Variants in TPD52 observed in about 807,000 individuals in gnomAD.
TPD52 encodes prostate and colon associated protein.
A neutral mutation model predicts 31.3 loss-of-function variants in TPD52; 17 were observed. The observed-to-expected ratio is 0.54, with a 90% CI of 0.37 to 0.82. The LOEUF (loss-of-function observed/expected upper bound fraction) is 0.82, where lower values mean the gene tolerates loss of function less well. TPD52 is among the 40% of genes least tolerant of loss of function. The pLI, the probability that TPD52 is intolerant of heterozygous loss-of-function variation, is 0.00. For synonymous variants in TPD52, 83 were observed against 89.6 expected (o/e 0.93, Z 0.42); for missense variants, 212 against 240.1 (o/e 0.88, Z 0.77).
At chr8:80,050,518 A>G in intron 4 of TPD52, 47 bp from the exon 5 acceptor site, 1 of 1,550,706 alleles carries the variant, frequency 6.4e-7, no homozygotes, top group Non-Finnish European at 8.7e-7. Context: ...AGTTCTGATA[A>G]ATCTAAAACA....
chr8:80,069,743 T>TA (rs1813562092), intron 1 of TPD52, among the ~76,000 whole-genome samples: 2 of 152,230 alleles, frequency 1.3e-5, no homozygotes, highest in Non-Finnish European at 2.9e-5. Flanking sequence ...AGTAACATCT[T>TA]ACAATCTGTG....
chr8:80,085,330 T>C (rs140679947), intron 1 of TPD52, among the ~76,000 whole-genome samples: 1 of 152,316 alleles, frequency 6.6e-6, no homozygotes, highest in Non-Finnish European at 1.5e-5. Context: ...TAGGTACAAA[T>C]GACTATAAAG....
At chr8:80,050,056 C>G (rs998190927) in intron 5 of TPD52, among the ~76,000 whole-genome samples, 1 of 151,904 alleles carries the variant, frequency 6.6e-6, no homozygotes, top group African/African-American at 2.4e-5. Context: ...GTAATGAAAC[C>G]CAGGTGAAGA....
In TPD52 at chr8:80,042,607, T is replaced by C. The variant is rs1246234490; in HGVS notation, c.504+13A>G. On this transcript the variant is annotated intron_variant, in intron 7 of 7. Transcript: ENST00000518937. Reference sequence around the variant, plus strand: ...CAATGTATCAAAAAGACCCTGTTCATCTCTCTACTTGCCTTTAAGTTTTCG... The same window carrying C: ...CAATGTATCAAAAAGACCCTGTTCACCTCTCTACTTGCCTTTAAGTTTTCG... The C allele has an allele frequency of 6.2e-7, 1 of 1,607,220 alleles. No homozygotes were observed. Among genetic ancestry groups the C allele is most frequent in the East Asian group, 2.2e-5 (1 of 44,748 alleles).
Position 80,036,723 on chromosome 8 carries a change from T to C in TPD52, c.*1393A>G, listed in dbSNP as rs1809936807. 1 of 152,632 alleles carries C rather than the reference T, an allele frequency of 6.6e-6. No homozygotes were observed. Among genetic ancestry groups the C allele is most frequent in the Admixed American group, 6.5e-5 (1 of 15,286 alleles). The allele number at this position is 152,632 out of a possible 1,614,324, so 9.5% of individuals were successfully genotyped here. A position where few individuals can be genotyped will look rare whatever the true frequency, so the allele number is the denominator to read the frequency against. ...TTTATAACAATCAACACCTGTGGCT[T>C]TTAAAATTTGGTTTTCATAAGATAA... is the stretch of plus-strand genomic sequence containing the variant. On this transcript the variant is annotated 3_prime_UTR_variant, in exon 8 of 8. Coordinates refer to ENST00000518937, the MANE Select transcript of TPD52 (RefSeq NM_001025253.3).
chr8:80,045,488 A>G (rs1810752106), intron 5 of TPD52, among the ~76,000 whole-genome samples: 1 of 152,244 alleles, frequency 6.6e-6, no homozygotes, highest in Admixed American at 6.5e-5. Context: ...TTATCCTAGC[A>G]TATTGTAATT....
At chr8:80,073,537 T>C (rs1814172786) in intron 1 of TPD52, among the ~76,000 whole-genome samples, 3 of 152,240 alleles carry the variant, frequency 2.0e-5, no homozygotes, top group Admixed American at 2.0e-4. Context: ...AGCTGGGCAA[T>C]ACTTGGCCTT....
At chr8:80,059,941 C>T (rs1376597063) in intron 2 of TPD52, among the ~76,000 whole-genome samples, 2 of 151,346 alleles carry the variant, frequency 1.3e-5, no homozygotes, top group African/African-American at 4.9e-5. Context: ...ATTAGTCAGG[C>T]GTGGTGGTGC....
intron 7 of TPD52, among the ~76,000 whole-genome samples, chr8:80,041,549 A>T (rs1377891383): frequency 6.6e-6 from 1 of 152,186 alleles, no homozygotes; most frequent in East Asian, 1.9e-4. Flanking sequence ...CGAGGAATAG[A>T]TGGGAACTAG....
intron 7 of TPD52, among the ~76,000 whole-genome samples, chr8:80,039,675 C>A (rs1810192383): frequency 1.3e-5 from 2 of 152,092 alleles, no homozygotes; most frequent in South Asian, 4.1e-4. Flanking sequence ...TCAAACTCTG[C>A]AATGTGGCCT....
intron 5 of TPD52, 78 bp downstream of exon 5, chr8:80,050,367 C>A: frequency 5.7e-6 from 8 of 1,406,870 alleles, no homozygotes; most frequent in Non-Finnish European, 7.8e-6. Context: ...GATCATCCAA[C>A]GTAGCATGGT....
Position 80,037,936 on chromosome 8 carries a change from C to T in TPD52, c.*180G>A. The T allele has an allele frequency of 2.7e-6, 2 of 737,538 alleles. No homozygotes were observed. Among genetic ancestry groups the T allele is most frequent in the South Asian group, 2.5e-5 (1 of 39,346 alleles). 45.7% of individuals were successfully genotyped at this position (737,538 alleles called of 1,614,324 possible). On this transcript the variant is annotated 3_prime_UTR_variant, in exon 8 of 8. Coordinates refer to ENST00000518937, the MANE Select transcript of TPD52 (RefSeq NM_001025253.3). The stretch of plus-strand genomic sequence containing the variant: ...ATAAATGTACACTAAAGGGTGTTTC[C>T]CAAGAATAGAGGTGAAGATATTTTC...
downstream of TPD52, chr8:80,033,196 CA>C (rs1809735254): frequency 6.6e-6 from 1 of 152,152 alleles, no homozygotes; most frequent in South Asian, 2.1e-4. Flanking sequence ...CTCAGAGTCC[CA>C]AAGAGGGTGT....
chr8:80,045,276 C>T (rs1810731092), intron 5 of TPD52, among the ~76,000 whole-genome samples: 1 of 152,104 alleles, frequency 6.6e-6, no homozygotes, highest in Non-Finnish European at 1.5e-5. Flanking sequence ...TTTACAACAC[C>T]AGAACTCTAA....
chr8:80,133,942 A>G (rs531807265), intron 1 of TPD52, among the ~76,000 whole-genome samples: 2 of 152,324 alleles, frequency 1.3e-5, no homozygotes, highest in African/African-American at 4.8e-5. Flanking sequence ...GATACAGAGG[A>G]CTAGAAGTCA....
At chr8:80,059,858 C>CA (rs1355821277) in intron 2 of TPD52, among the ~76,000 whole-genome samples, 3 of 150,740 alleles carry the variant, frequency 2.0e-5, no homozygotes, top group African/African-American at 4.9e-5. Context: ...CATCTCAAAA[C>CA]AAACAAAAAA....
chr8:80,127,815 CACACACACACACACACACACACAG>C (rs1298585113), intron 1 of TPD52: 6 of 127,522 alleles, frequency 4.7e-5, no homozygotes, highest in Admixed American at 8.5e-5. Context: ...CACACACACA[CACACACACACACACACACACACAG>C]AGATACATAA....
chr8:80,154,731 ACACACACACAC>A (rs1227184082), intron 1 of TPD52, among the ~76,000 whole-genome samples: 2 of 149,576 alleles, frequency 1.3e-5, no homozygotes, highest in Non-Finnish European at 3.0e-5. Flanking sequence ...ACACACACAC[ACACACACACAC>A]ACACACACAC....
chr8:80,062,970 T>C (rs1205048380), intron 2 of TPD52, among the ~76,000 whole-genome samples: 1 of 151,604 alleles, frequency 6.6e-6, no homozygotes, highest in African/African-American at 2.4e-5. Flanking sequence ...AGACCTTGTA[T>C]CTTAAAAAAA....
Sources: allele counts gnomAD v4.1 joint callset (sites outside exome capture counted in the v4.1 genomes callset), GRCh38; gene constraint gnomAD v4.1.1; transcripts MANE v1.5; gene names NCBI Gene and HGNC (gene_info 2026-07-23, HGNC 2026-07-21).